The following ZNF143 variants were observed in gnomAD, a reference collection of about 807,000 sequenced individuals.
ZNF143 encodes the protein zinc finger protein 143.
In ZNF143, 49 loss-of-function variants were observed where a neutral mutation model predicts 74.1. The ratio of observed to expected loss-of-function variants is 0.66; its 90% CI spans 0.53 to 0.84. ZNF143 has a LOEUF of 0.84. Ranked by LOEUF, ZNF143 falls within the 40% of genes least tolerant of loss-of-function variation. The pLI is 0.00. For missense variants in ZNF143, 637 were observed against 793.4 expected (o/e 0.80, Z 2.37); for synonymous variants, 304 against 282.8 (o/e 1.07, Z -0.75).
At chr11:9,494,579 A>T (rs2134046433) in intron 7 of ZNF143, 67 bp from the exon 8 acceptor site, 4 of 1,525,994 alleles carry the variant, frequency 2.6e-6, no homozygotes, top group Non-Finnish European at 3.6e-6. Flanking sequence ...CCCATGTGCT[A>T]AGATTACTGG....
At position 9,480,246 on chromosome 11, in the gene ZNF143, A is replaced by C. The variant is rs74829098; in HGVS notation, c.645+700A>C. Among the ~76,000 whole-genome samples the C allele has an allele frequency of 4.7e-3, 713 of 152,330 alleles. 6 individuals carry two copies. Among genetic ancestry groups the C allele is most frequent in the African/African-American group, 0.016 (684 of 41,584 alleles). On this transcript the variant is annotated intron_variant, in intron 7 of 15. Transcript: ENST00000396602. ...TCCTACAATCAAAAATTCAAAACTT[A>C]TGTTATTCAAGAATTGTTTTTGTGT...
At chr11:9,461,192 C>T (rs1353305335) in intron 1 of ZNF143, 116 bp downstream of exon 1, 1 of 603,426 alleles carries the variant, frequency 1.7e-6, no homozygotes, top group African/African-American at 2.0e-5. Flanking sequence ...TGCTCAGCCT[C>T]CGCCGCAGGC....
chr11:9,524,930 C>A (rs1278357122), intron 14 of ZNF143, among the ~76,000 whole-genome samples: 3 of 152,206 alleles, frequency 2.0e-5, no homozygotes, highest in Non-Finnish European at 4.4e-5. Context: ...TACATAACTT[C>A]CCAAGCAGTC....
At chr11:9,525,690 G>A (rs1365716530) in intron 15 of ZNF143, among the ~76,000 whole-genome samples, 2 of 152,020 alleles carry the variant, frequency 1.3e-5, no homozygotes, top group Non-Finnish European at 2.9e-5. Flanking sequence ...ATTAGGCAGG[G>A]GTCTGTAAAG....
At chr11:9,483,760 T>C (rs1417385866) in intron 7 of ZNF143, among the ~76,000 whole-genome samples, 5 of 149,068 alleles carry the variant, frequency 3.4e-5, no homozygotes, top group Middle Eastern at 3.4e-3. Flanking sequence ...CTTTTTTTTT[T>C]TTTTTTTTGA....
At chr11:9,507,007 C>G (rs920462552) in intron 11 of ZNF143, among the ~76,000 whole-genome samples, 4 of 152,176 alleles carry the variant, frequency 2.6e-5, no homozygotes, top group African/African-American at 9.7e-5. Flanking sequence ...GCTGCCCTTT[C>G]TCTTGCCCTC....
At chr11:9,461,168 G>A (rs1855799524) in intron 1 of ZNF143, 92 bp downstream of exon 1, 2 of 804,354 alleles carry the variant, frequency 2.5e-6, no homozygotes, top group Non-Finnish European at 1.5e-6. Context: ...TTGGGCCCGG[G>A]CTCCGGCTCC....
intron 15 of ZNF143, 69 bp from the exon 16 acceptor site, chr11:9,527,461 A>G: frequency 6.9e-7 from 1 of 1,457,480 alleles, no homozygotes; most frequent in Non-Finnish European, 9.6e-7. Context: ...GGCATATAAC[A>G]TTTCTTTGGC....
At chr11:9,478,836 C>T (rs914524742) in intron 6 of ZNF143, among the ~76,000 whole-genome samples, 1 of 151,364 alleles carries the variant, frequency 6.6e-6, no homozygotes, top group African/African-American at 2.4e-5. Context: ...AAGTCAAAAT[C>T]AGTTAGTATC....
At chr11:9,486,445 T>TATAATATATTA (rs374989379) in intron 7 of ZNF143, among the ~76,000 whole-genome samples, 2 of 35,466 alleles carry the variant, frequency 5.6e-5, no homozygotes, top group Non-Finnish European at 1.3e-4. Flanking sequence ...ATATAATATA[T>TATAATATATTA]TATATATATT....
intron 5 of ZNF143, 35 bp from the exon 6 acceptor site, chr11:9,478,355 C>G (rs539456252): frequency 6.3e-7 from 1 of 1,585,936 alleles, no homozygotes; most frequent in African/African-American, 1.3e-5. Flanking sequence ...CAGATTTTAC[C>G]TTTAATTTAA....
At chr11:9,466,399 G>A (rs1284680140) in intron 1 of ZNF143, among the ~76,000 whole-genome samples, 3 of 151,160 alleles carry the variant, frequency 2.0e-5, no homozygotes, top group Non-Finnish European at 2.9e-5. Context: ...GGATTCAAGC[G>A]ATTCTCCTGC....
At chr11:9,486,361 TA>T (rs1847482913) in intron 7 of ZNF143, among the ~76,000 whole-genome samples, 2 of 51,734 alleles carry the variant, frequency 3.9e-5, no homozygotes, top group East Asian at 6.6e-4. Flanking sequence ...ATTATATATA[TA>T]TTATATATAA....
intron 7 of ZNF143, 74 bp downstream of exon 7, chr11:9,479,620 T>A: frequency 8.2e-7 from 1 of 1,216,828 alleles, no homozygotes. Flanking sequence ...AAAGCAAGAA[T>A]AGGTAACTCA....
intron 14 of ZNF143, among the ~76,000 whole-genome samples, chr11:9,524,063 A>G (rs1242775277): frequency 1.3e-5 from 2 of 151,666 alleles, no homozygotes; most frequent in African/African-American, 4.8e-5. Context: ...AAAAAAAAAA[A>G]AAGGATTTGA....
In ZNF143 at chr11:9,486,420, TTA is replaced by T. The variant is rs1554964454; in HGVS notation, c.645+6882_645+6883del. Reference sequence around the variant, plus strand: ...TAATATATTATATATATAATATATATTATATATATTATATATATAATATATTA... The same window carrying T: ...TAATATATTATATATATAATATATATTATATATTATATATATAATATATTA... On this transcript the variant is annotated intron_variant, in intron 7 of 15. Transcript: ENST00000396602. Among the ~76,000 whole-genome samples the T allele has an allele frequency of 3.2e-4, 10 of 31,020 alleles. 2 individuals carry two copies. Among genetic ancestry groups the T allele is most frequent in the Admixed American group, 6.0e-4 (1 of 1,658 alleles). 20.4% of individuals were successfully genotyped at this position (31,020 alleles called of 152,430 possible).
intron 7 of ZNF143, among the ~76,000 whole-genome samples, chr11:9,493,367 G>T (rs1041826124): frequency 6.6e-6 from 1 of 152,066 alleles, no homozygotes; most frequent in African/African-American, 2.4e-5. Context: ...ACTGCGCCTG[G>T]CCTATGCATA....
At chr11:9,492,995 A>G (rs1847835276) in intron 7 of ZNF143, among the ~76,000 whole-genome samples, 1 of 151,932 alleles carries the variant, frequency 6.6e-6, no homozygotes, top group South Asian at 2.1e-4. Context: ...AAAATGTGGA[A>G]TTATATTATT....
At chr11:9,525,518 T>A (rs1565073304) in intron 15 of ZNF143, 132 bp downstream of exon 15, 1 of 1,226,194 alleles carries the variant, frequency 8.2e-7, no homozygotes, top group East Asian at 2.4e-5. Context: ...TAGCCTACTT[T>A]AAGGAAATCG....
Sources: allele counts gnomAD v4.1 joint callset (sites outside exome capture counted in the v4.1 genomes callset), GRCh38; gene constraint gnomAD v4.1.1; transcripts MANE v1.5; gene names NCBI Gene and HGNC (gene_info 2026-07-23, HGNC 2026-07-21).